ST8SIA2: variants seen among roughly 807,000 people sequenced by gnomAD.
The protein encoded by ST8SIA2 is ST8 alpha-N-acetyl-neuraminide alpha-2,8-sialyltransferase 2, also known as alpha-2,8-sialyltransferase 8B.
A neutral mutation model predicts 37.6 loss-of-function variants in ST8SIA2; 22 were observed. That is an observed-to-expected ratio of 0.58 (90% CI 0.42 to 0.83). The LOEUF (loss-of-function observed/expected upper bound fraction) is 0.83. ST8SIA2 is among the 40% of genes least tolerant of loss of function. ST8SIA2 has a pLI of 0.00. For missense variants in ST8SIA2, 382 were observed against 484.7 expected, an observed-to-expected ratio of 0.79 and a Z score of 1.99; for synonymous variants, 205 against 201.2, an observed-to-expected ratio of 1.02 and a Z score of -0.16.
At chr15:92,415,765 C>T (rs2049581985) in intron 1 of ST8SIA2, among the ~76,000 whole-genome samples, 1 of 152,116 alleles carries the variant, frequency 6.6e-6, no homozygotes, top group Non-Finnish European at 1.5e-5. Context: ...CATGTTTAGG[C>T]TAGATATGAC....
chr15:92,414,404 G>A (rs2049571974), intron 1 of ST8SIA2, among the ~76,000 whole-genome samples: 1 of 152,102 alleles, frequency 6.6e-6, no homozygotes, highest in Non-Finnish European at 1.5e-5. Context: ...TTCCAGTTTT[G>A]ACTCATCTCA....
intron 1 of ST8SIA2, among the ~76,000 whole-genome samples, chr15:92,417,395 T>TC (rs1242259848): frequency 6.6e-6 from 1 of 152,150 alleles, no homozygotes; most frequent in East Asian, 1.9e-4. Context: ...TTGAGTGCCC[T>TC]CCAGAAATTC....
intron 4 of ST8SIA2, among the ~76,000 whole-genome samples, chr15:92,441,276 G>A (rs11074072): frequency 0.55 from 83,717 of 152,042 alleles, 23,451 homozygotes; most frequent in East Asian, 0.71. Context: ...AGGGAGTCCA[G>A]GGCAGGCTTC....
chr15:92,446,988 G>A (rs2049847385), intron 5 of ST8SIA2, among the ~76,000 whole-genome samples: 1 of 152,176 alleles, frequency 6.6e-6, no homozygotes, highest in Non-Finnish European at 1.5e-5. Flanking sequence ...TTGAGGGGCA[G>A]TGAAGGAGGT....
intron 4 of ST8SIA2, among the ~76,000 whole-genome samples, chr15:92,443,220 G>C (rs1331948136): frequency 1.3e-5 from 2 of 152,086 alleles, no homozygotes; most frequent in Admixed American, 6.5e-5. Flanking sequence ...ACTCTTAACT[G>C]GATTTCTCAG....
intron 1 of ST8SIA2, among the ~76,000 whole-genome samples, chr15:92,402,111 A>G (rs1384174110): frequency 6.6e-6 from 1 of 152,128 alleles, no homozygotes; most frequent in Non-Finnish European, 1.5e-5. Context: ...TAACCTCATG[A>G]GTCCCCACCC....
At chr15:92,410,330 A>C (rs564309304) in intron 1 of ST8SIA2, among the ~76,000 whole-genome samples, 1 of 152,330 alleles carries the variant, frequency 6.6e-6, no homozygotes, top group Admixed American at 6.5e-5. Flanking sequence ...AAAGAAAAGA[A>C]AGCTGCTATA....
chr15:92,394,605 T>C (rs1461643316), intron 1 of ST8SIA2, among the ~76,000 whole-genome samples: 2 of 151,890 alleles, frequency 1.3e-5, no homozygotes, highest in Non-Finnish European at 2.9e-5. Context: ...CGCAGGGATC[T>C]CTGAGCTGGG....
At chr15:92,406,876 C>G (rs796555385) in intron 1 of ST8SIA2, among the ~76,000 whole-genome samples, 3 of 152,060 alleles carry the variant, frequency 2.0e-5, no homozygotes, top group African/African-American at 7.2e-5. Context: ...CGCCTGTAAT[C>G]TCAGCTACTC....
In ST8SIA2 at chr15:92,456,152, T is replaced by A. The variant is rs940157040; in HGVS notation, c.843-7948T>A. The stretch of plus-strand genomic sequence containing the variant: ...GATGATACCTGGGCATGAGCAGTAG[T>A]CTCACCACTCCTGGCGGGGCCCGCC... On this transcript the variant is annotated intron_variant, in intron 5 of 5. Transcript: ENST00000268164. Among the ~76,000 whole-genome samples, 6 of 152,350 alleles carry A rather than the reference T, an allele frequency of 3.9e-5. No homozygotes were observed. In the East Asian group the frequency reaches 9.6e-4, roughly 24 times the overall value.
intron 1 of ST8SIA2, among the ~76,000 whole-genome samples, chr15:92,399,144 G>A (rs774546653): frequency 6.6e-6 from 1 of 152,196 alleles, no homozygotes; most frequent in Non-Finnish European, 1.5e-5. Flanking sequence ...GTGACAGGAG[G>A]AAGGAAAGCT....
intron 1 of ST8SIA2, among the ~76,000 whole-genome samples, chr15:92,413,727 G>A (rs2049566950): frequency 6.6e-6 from 1 of 152,224 alleles, no homozygotes; most frequent in South Asian, 2.1e-4. Flanking sequence ...GGAGAAGTCA[G>A]CAGGGAAGAA....
chr15:92,458,130 C>T (rs2049932425), intron 5 of ST8SIA2, among the ~76,000 whole-genome samples: 1 of 152,160 alleles, frequency 6.6e-6, no homozygotes, highest in African/African-American at 2.4e-5. Context: ...GACTCCAGCA[C>T]TTTAGCACAA....
intron 2 of ST8SIA2, among the ~76,000 whole-genome samples, chr15:92,433,628 G>T (rs1872311762): frequency 6.6e-6 from 1 of 152,164 alleles, no homozygotes; most frequent in Non-Finnish European, 1.5e-5. Flanking sequence ...TATTTATTGA[G>T]CACCCGCTAT....
At chr15:92,407,939 A>AG (rs1306645396) in intron 1 of ST8SIA2, among the ~76,000 whole-genome samples, 4 of 152,186 alleles carry the variant, frequency 2.6e-5, no homozygotes, top group African/African-American at 9.7e-5. Context: ...AAACGCATGA[A>AG]GGTAGACCCG....
intron 5 of ST8SIA2, among the ~76,000 whole-genome samples, chr15:92,459,011 G>C (rs2049939092): frequency 6.6e-6 from 1 of 152,140 alleles, no homozygotes; most frequent in African/African-American, 2.4e-5. Context: ...GGGATCAGTG[G>C]GGAAAGGCAT....
chr15:92,451,515 C>T (rs576495367), intron 5 of ST8SIA2, among the ~76,000 whole-genome samples: 1 of 152,286 alleles, frequency 6.6e-6, no homozygotes, highest in Non-Finnish European at 1.5e-5. Flanking sequence ...CCTTTGGTTT[C>T]GCTCTTCTCA....
At chr15:92,401,681 G>C (rs916380392) in intron 1 of ST8SIA2, among the ~76,000 whole-genome samples, 3 of 151,992 alleles carry the variant, frequency 2.0e-5, no homozygotes, top group African/African-American at 4.8e-5. Context: ...TGCTCTGCAA[G>C]CATGAAGCTC....
At chr15:92,448,938 T>TG (rs139549749) in intron 5 of ST8SIA2, among the ~76,000 whole-genome samples, 7,337 of 150,480 alleles carry the variant, frequency 0.049, 272 homozygotes, top group African/African-American at 0.096. Context: ...ATAGGGTATG[T>TG]GGGGGGGGGT....
Sources: allele counts gnomAD v4.1 joint callset (sites outside exome capture counted in the v4.1 genomes callset), GRCh38; gene constraint gnomAD v4.1.1; transcripts MANE v1.5; gene names NCBI Gene and HGNC (gene_info 2026-07-23, HGNC 2026-07-21).